The following SHISA6 variants were observed in gnomAD, a reference collection of about 807,000 sequenced individuals.
SHISA6 encodes shisa family member 6, also known as protein shisa-6.
Under a neutral mutation model 47.9 loss-of-function variants are expected in SHISA6, and 22 were observed. That is an observed-to-expected ratio of 0.46 (90% confidence interval 0.33 to 0.66). The LOEUF (loss-of-function observed/expected upper bound fraction) is 0.66, where lower values mean the gene tolerates loss of function less well. Ranked by LOEUF, SHISA6 falls within the 30% of genes least tolerant of loss-of-function variation. SHISA6 has a pLI of 0.02. For missense variants in SHISA6, 680 were observed against 764.6 expected (o/e 0.89, Z 1.30); for synonymous variants, 388 against 337.8 (o/e 1.15, Z -1.63).
At chr17:11,263,602 C>T in intron 2 of SHISA6, 76 bp downstream of exon 2, 8 of 1,514,398 alleles carry the variant, frequency 5.3e-6, no homozygotes, top group Non-Finnish European at 6.3e-6. Context: ...TCTGGTGGGG[C>T]AGGTTGTGGA....
At chr17:11,309,649 G>T (rs1910248412) in intron 2 of SHISA6, among the ~76,000 whole-genome samples, 1 of 152,210 alleles carries the variant, frequency 6.6e-6, no homozygotes, top group African/African-American at 2.4e-5. Flanking sequence ...ATAATTTACA[G>T]AGTGGTTTGT....
chr17:11,394,912 A>G (rs1182843805), intron 3 of SHISA6, among the ~76,000 whole-genome samples: 1 of 151,558 alleles, frequency 6.6e-6, no homozygotes, highest in Non-Finnish European at 1.5e-5. Flanking sequence ...TTTTGCAACT[A>G]TATGTATATA....
chr17:11,358,050 C>T (rs917433638), intron 2 of SHISA6, among the ~76,000 whole-genome samples: 2 of 152,166 alleles, frequency 1.3e-5, no homozygotes, highest in East Asian at 3.8e-4. Context: ...ATATACATAA[C>T]ATAAAATTTA....
chr17:11,323,678 TAA>T (rs1872922848), intron 2 of SHISA6, among the ~76,000 whole-genome samples: 1 of 70,226 alleles, frequency 1.4e-5, no homozygotes, highest in Non-Finnish European at 4.1e-5. Context: ...AAAATAATAA[TAA>T]TAATAATAAT....
intron 3 of SHISA6, among the ~76,000 whole-genome samples, chr17:11,516,629 A>G (rs1446432712): frequency 7.9e-5 from 12 of 152,190 alleles, no homozygotes; most frequent in Admixed American, 7.9e-4. Flanking sequence ...ATGGTTTAAC[A>G]CCAGCTCAAG....
At chr17:11,313,100 A>G (rs928694660) in intron 2 of SHISA6, among the ~76,000 whole-genome samples, 1 of 152,222 alleles carries the variant, frequency 6.6e-6, no homozygotes, top group Non-Finnish European at 1.5e-5. Context: ...GCCAGTTCAA[A>G]TCAATTCCAT....
intron 3 of SHISA6, among the ~76,000 whole-genome samples, chr17:11,391,875 A>G (rs548115657): frequency 1.3e-5 from 2 of 152,254 alleles, no homozygotes; most frequent in African/African-American, 4.8e-5. Context: ...TTGAGTTTGA[A>G]CACCCCATGT....
intron 2 of SHISA6, among the ~76,000 whole-genome samples, chr17:11,291,632 T>G (rs1344829464): frequency 6.6e-6 from 1 of 151,828 alleles, no homozygotes; most frequent in Non-Finnish European, 1.5e-5. Flanking sequence ...AGACTCTGTC[T>G]CAAAACAACA....
At chr17:11,248,689 A>T (rs1422773304) in intron 1 of SHISA6, among the ~76,000 whole-genome samples, 1 of 152,054 alleles carries the variant, frequency 6.6e-6, no homozygotes, top group Non-Finnish European at 1.5e-5. Context: ...CAGTTTTTTC[A>T]CGTTCCTTTC....
At chr17:11,445,906 C>A (rs977663022) in intron 3 of SHISA6, among the ~76,000 whole-genome samples, 2 of 152,216 alleles carry the variant, frequency 1.3e-5, no homozygotes, top group African/African-American at 4.8e-5. Context: ...TGGCTCACTG[C>A]AACCTCTGCC....
At chr17:11,372,210 A>T (rs1397806648) in intron 2 of SHISA6, among the ~76,000 whole-genome samples, 1 of 152,184 alleles carries the variant, frequency 6.6e-6, no homozygotes, top group Non-Finnish European at 1.5e-5. Context: ...ACTGGCAGAA[A>T]CTATTTGCAA....
chr17:11,337,257 G>A (rs959313668), intron 2 of SHISA6, among the ~76,000 whole-genome samples: 3 of 152,142 alleles, frequency 2.0e-5, no homozygotes, highest in Middle Eastern at 3.2e-3. Context: ...CCAGTCGTGC[G>A]ATACATGAAT....
chr17:11,339,710 T>G lies in SHISA6; in HGVS notation c.800-39704T>G, dbSNP rs545615860. Among the ~76,000 whole-genome samples, 13 of 152,316 alleles carry G rather than the reference T, an allele frequency of 8.5e-5. No individual in the cohort carries two copies. In the South Asian group the frequency reaches 2.7e-3, roughly 32 times the overall value. On this transcript the variant is annotated intron_variant, in intron 2 of 5. Coordinates refer to ENST00000441885, the MANE Select transcript of SHISA6 (RefSeq NM_207386.4). The stretch of plus-strand genomic sequence containing the variant: ...AAGTGTGACTACAGGAATTAAGGGT[T>G]CATGTGTAAATGAGGTGAAGCCAGA...
At chr17:11,440,830 C>T (rs1004891184) in intron 3 of SHISA6, among the ~76,000 whole-genome samples, 1 of 151,964 alleles carries the variant, frequency 6.6e-6, no homozygotes, top group African/African-American at 2.4e-5. Flanking sequence ...GGTATGGCCC[C>T]TTGCTACTGC....
chr17:11,549,607 T>C (rs2071913131), intron 3 of SHISA6, among the ~76,000 whole-genome samples: 1 of 152,190 alleles, frequency 6.6e-6, no homozygotes, highest in Non-Finnish European at 1.5e-5. Flanking sequence ...AGAAGCCTAA[T>C]TGGCTATCAG....
chr17:11,535,324 C>T (rs974760621), intron 3 of SHISA6, among the ~76,000 whole-genome samples: 42 of 152,054 alleles, frequency 2.8e-4, no homozygotes, highest in South Asian at 2.1e-4. Flanking sequence ...TGTGTCTAAC[C>T]AACTTCCCCA....
chr17:11,399,802 A>G (rs1913703358), intron 3 of SHISA6, among the ~76,000 whole-genome samples: 1 of 152,180 alleles, frequency 6.6e-6, no homozygotes, highest in Non-Finnish European at 1.5e-5. Flanking sequence ...GCCATGCAGA[A>G]GGTAAGAGAT....
intron 2 of SHISA6, among the ~76,000 whole-genome samples, chr17:11,304,248 A>C (rs1321242861): frequency 6.6e-6 from 1 of 152,190 alleles, no homozygotes; most frequent in Non-Finnish European, 1.5e-5. Flanking sequence ...GGACGAAGGC[A>C]CTGGGGAGGT....
chr17:11,443,043 G>A (rs1356262382), intron 3 of SHISA6, among the ~76,000 whole-genome samples: 1 of 152,214 alleles, frequency 6.6e-6, no homozygotes, highest in African/African-American at 2.4e-5. Flanking sequence ...AAGGGCCAAC[G>A]ATTACGCTGT....
Sources: allele counts gnomAD v4.1 joint callset (sites outside exome capture counted in the v4.1 genomes callset), GRCh38; gene constraint gnomAD v4.1.1; transcripts MANE v1.5; gene names NCBI Gene and HGNC (gene_info 2026-07-23, HGNC 2026-07-21).